PARP16: variants seen among roughly 807,000 people sequenced by gnomAD.
PARP16 encodes poly(ADP-ribose) polymerase family member 16, also known as protein mono-ADP-ribosyltransferase PARP16.
Under a neutral mutation model 35.0 loss-of-function variants are expected in PARP16, and 31 were observed. That is an observed-to-expected ratio of 0.88 (90% CI 0.66 to 1.19). The LOEUF (loss-of-function observed/expected upper bound fraction) is 1.19. PARP16 is among the 50% of genes most tolerant of loss of function. The probability of loss-of-function intolerance (pLI) is 0.00; values close to 1 mark genes in which losing one functional copy is unlikely to be tolerated. For missense variants in PARP16, 424 were observed against 411.2 expected (o/e 1.03, Z -0.27); for synonymous variants, 162 against 169.5 (o/e 0.96, Z 0.34).
chr15:65,266,578 T>C lies in PARP16; in HGVS notation c.503A>G (p.His168Arg). Residue 168 changes from histidine to arginine, a missense_variant, in exon 3 of 6, where the codon CAC (histidine) becomes CGC (arginine). Physicochemically the swap from His to Arg is conservative, Grantham distance 29. Coordinates refer to ENST00000649807, the MANE Select transcript of PARP16 (RefSeq NM_001316943.2). ...AGGCCCCACCTTGTTCAGATGGCAG[T>C]GCAGGCCATTGTGGATAATGGAATG... The part of the protein sequence containing the change: ...NFHSIIHNGL[H>R]CHLNKTSLFG... 3 of 1,613,942 alleles carry C rather than the reference T, an allele frequency of 1.9e-6. No homozygotes were observed. The highest frequency in any genetic ancestry group is 2.5e-6 in the Non-Finnish European group (3 of 1,179,820).
At position 65,275,279 on chromosome 15, in the gene PARP16, C is replaced by A. The variant is rs1252297765; in HGVS notation, c.175-4207G>T. Among the ~76,000 whole-genome samples, 8 of 152,256 alleles carry A rather than the reference C, an allele frequency of 5.3e-5. No homozygotes were observed. The East Asian group carries it at 1.5e-3, about 29-fold the overall frequency. On this transcript the variant is annotated intron_variant, in intron 1 of 5. Coordinates refer to ENST00000649807, the MANE Select transcript of PARP16 (RefSeq NM_001316943.2). The stretch of plus-strand genomic sequence containing the variant: ...GATCTGGGTTTGCTATATGAAACCA[C>A]AGAAGTATAAAAGCGCAGCATGTAG...
At position 65,267,678 on chromosome 15, in the gene PARP16, C is replaced by CTTTTTTTTT. The variant is rs556058787; in HGVS notation, c.313-919_313-911dup. Among the ~76,000 whole-genome samples, 180 of 53,060 alleles carry CTTTTTTTTT rather than the reference C, an allele frequency of 3.4e-3. 55 individuals carry two copies. Among genetic ancestry groups the CTTTTTTTTT allele is most frequent in the African/African-American group, 8.6e-3 (118 of 13,760 alleles). The allele number at this position is 53,060 out of a possible 152,430, so 34.8% of individuals were successfully genotyped here. On this transcript the variant is annotated intron_variant, in intron 2 of 5. Transcript: ENST00000649807. ...TGGAGATCACTTCTAATTTTCCTAA[C>CTTTTTTTTT]TTTTTTTTTTTTTTTTTTTTTTTTT...
intron 3 of PARP16, among the ~76,000 whole-genome samples, chr15:65,238,428 G>A (rs796960168): frequency 3.3e-5 from 5 of 152,324 alleles, no homozygotes; most frequent in African/African-American, 1.2e-4. Flanking sequence ...CCCTGGCCCA[G>A]GCTGCCCCAG....
At chr15:65,271,394 C>T (rs2090090142) in intron 1 of PARP16, among the ~76,000 whole-genome samples, 1 of 152,112 alleles carries the variant, frequency 6.6e-6, no homozygotes. Flanking sequence ...CCACCTCAGC[C>T]TCCCGAGTAG....
intron 3 of PARP16, among the ~76,000 whole-genome samples, chr15:65,238,427 A>G (rs2088950894): frequency 6.6e-6 from 1 of 152,216 alleles, no homozygotes; most frequent in Admixed American, 6.5e-5. Context: ...TCCCTGGCCC[A>G]GGCTGCCCCA....
chr15:65,242,783 T>C (rs933311498), intron 3 of PARP16, among the ~76,000 whole-genome samples: 1 of 151,592 alleles, frequency 6.6e-6, no homozygotes, highest in Non-Finnish European at 1.5e-5. Context: ...GGCATGATCT[T>C]GGCTCACTGC....
downstream of PARP16, among the ~76,000 whole-genome samples, chr15:65,232,146 T>C (rs998244614): frequency 1.2e-4 from 19 of 152,030 alleles, no homozygotes; most frequent in African/African-American, 4.6e-4. Context: ...TCCCAGCACT[T>C]TGGGAGTGGT....
intron 3 of PARP16, among the ~76,000 whole-genome samples, chr15:65,243,404 C>T (rs550114986): frequency 6.6e-6 from 1 of 152,198 alleles, no homozygotes; most frequent in Non-Finnish European, 1.5e-5. Flanking sequence ...GTATGCACCA[C>T]CATACCTGGC....
Position 65,266,778 on chromosome 15 carries a change from A to G in PARP16, c.313-10T>C, listed in dbSNP as rs1397244615. 4 of 1,603,758 alleles carry G rather than the reference A, an allele frequency of 2.5e-6. No individual in the cohort carries two copies. The highest frequency in any genetic ancestry group is 2.2e-5 in the South Asian group (2 of 90,500). On this transcript the variant is annotated splice_polypyrimidine_tract_variant and intron_variant, in intron 2 of 5. Coordinates refer to ENST00000649807, the MANE Select transcript of PARP16 (RefSeq NM_001316943.2). ...TTTGGATCTTTTCAAACTTGAAAAC[A>G]TGAAGAGCATCAAAATTTTATTTGG...
intron 3 of PARP16, among the ~76,000 whole-genome samples, chr15:65,246,325 A>G (rs894138334): frequency 1.3e-5 from 2 of 152,012 alleles, no homozygotes; most frequent in East Asian, 1.9e-4. Flanking sequence ...ACCGCCCCCA[A>G]CTCTCCTTGT....
At chr15:65,249,845 A>C (rs1386613233) in intron 2 of PARP16, among the ~76,000 whole-genome samples, 1 of 152,186 alleles carries the variant, frequency 6.6e-6, no homozygotes, top group East Asian at 1.9e-4. Flanking sequence ...CTGGGTCTGC[A>C]ATGATGGGGC....
rs1199170028 is a variant in PARP16, at chr15:65,259,431, G to A, written c.945C>T (p.His315=). The change falls in exon 6 of 6, where the codon CAC becomes CAT. Residue 315 remains histidine, a synonymous_variant. Transcript: ENST00000649807. Reference sequence around the variant, plus strand: ...ATTATCTTTTCGCACGATTCCAAAAGTGTTGGAAAGCAGAGGAGTTGATGA... The same window carrying A: ...ATTATCTTTTCGCACGATTCCAAAAATGTTGGAAAGCAGAGGAGTTGATGA... ...VSVINSSAFQ[H]FWNRAKR 6 of 1,613,970 alleles carry A rather than the reference G, an allele frequency of 3.7e-6. No individual in the cohort carries two copies. The Admixed American group carries it at 6.7e-5, about 18-fold the overall frequency.
chr15:65,241,713 T>C (rs1428425247), intron 3 of PARP16, among the ~76,000 whole-genome samples: 1 of 152,182 alleles, frequency 6.6e-6, no homozygotes, highest in Non-Finnish European at 1.5e-5. Flanking sequence ...TGAGTGTATA[T>C]ATTTTTATGT....
At chr15:65,235,953 G>C (rs1391664479) in intron 3 of PARP16, among the ~76,000 whole-genome samples, 2 of 150,806 alleles carry the variant, frequency 1.3e-5, no homozygotes, top group African/African-American at 2.4e-5. Context: ...CGCCTCTCAG[G>C]TTCAAGCGAT....
chr15:65,255,092 A>T (rs367811195), downstream of PARP16, among the ~76,000 whole-genome samples: 45 of 152,260 alleles, frequency 3.0e-4, 1 homozygote, highest in African/African-American at 1.1e-3. Flanking sequence ...GGTGGCTCCA[A>T]CTAAACCACT....
chr15:65,240,323 AGT>A (rs34811236), intron 3 of PARP16, among the ~76,000 whole-genome samples: 14,252 of 125,960 alleles, frequency 0.11, 764 homozygotes, highest in African/African-American at 0.12. Context: ...GGGGGGGGCT[AGT>A]GTGTGTGTGT....
intron 3 of PARP16, 65 bp downstream of exon 3, chr15:65,266,497 C>T: frequency 7.3e-7 from 1 of 1,368,808 alleles, no homozygotes; most frequent in Admixed American, 1.7e-5. Flanking sequence ...CTGAATCTCC[C>T]CCTCCCCACT....
At chr15:65,252,204 G>A (rs1290003966) in intron 2 of PARP16, among the ~76,000 whole-genome samples, 2 of 152,164 alleles carry the variant, frequency 1.3e-5, no homozygotes, top group Non-Finnish European at 2.9e-5. Flanking sequence ...ATGAGAGTGG[G>A]AAAGGGAGTT....
intron 3 of PARP16, among the ~76,000 whole-genome samples, chr15:65,236,855 C>CCAGCTACTCGGG (rs2088891484): frequency 6.6e-6 from 1 of 151,752 alleles, no homozygotes; most frequent in South Asian, 2.1e-4. Flanking sequence ...ACCTGTAGTC[C>CCAGCTACTCGGG]CAGCTACTCG....
Sources: gnomAD v4.1 joint callset for allele counts (sites outside exome capture counted in the v4.1 genomes callset) on GRCh38, gnomAD v4.1.1 for gene constraint, MANE v1.5 for transcripts, NCBI Gene and HGNC (gene_info 2026-07-23, HGNC 2026-07-21) for gene names.